MGAT5: variants seen among roughly 807,000 people sequenced by gnomAD.
MGAT5 encodes the protein alpha-1,6-mannosylglycoprotein 6-beta-N-acetylglucosaminyltransferase.
In MGAT5, 30 loss-of-function variants were observed where a neutral mutation model predicts 94.3. That is an observed-to-expected ratio of 0.32 (90% CI 0.24 to 0.43). The LOEUF (loss-of-function observed/expected upper bound fraction) is 0.43, where lower values mean the gene tolerates loss of function less well. Ranked by LOEUF, MGAT5 falls within the 20% of genes least tolerant of loss-of-function variation. The pLI is 1.00. For synonymous variants in MGAT5, 310 were observed against 322.9 expected (o/e 0.96, Z 0.43); for missense variants, 691 against 905.5 (o/e 0.76, Z 3.04).
chr2:134,382,481 T>G (rs957727298), intron 10 of MGAT5, among the ~76,000 whole-genome samples: 1 of 152,092 alleles, frequency 6.6e-6, no homozygotes, highest in Non-Finnish European at 1.5e-5. Flanking sequence ...TGGGTGGAAC[T>G]CGTCAAAAGC....
rs1411414419 is a variant in MGAT5 at position 134,291,175 on chromosome 2, C to A, written c.406+20625C>A. 3.3e-5 allele frequency among the ~76,000 whole-genome samples: 5 copies of A among 152,096 alleles called. No individual in the cohort carries two copies. The East Asian group carries it at 7.7e-4, about 23-fold the overall frequency. ...GTGGACTAAATGTTTGTGTCCTCTC[C>A]AAATACATATGTTGAGATCCTAACC... On this transcript the variant is annotated intron_variant, in intron 2 of 15. Transcript: ENST00000281923.
chr2:134,379,169 C>A (rs552858494), intron 10 of MGAT5, among the ~76,000 whole-genome samples: 3 of 152,292 alleles, frequency 2.0e-5, no homozygotes, highest in Non-Finnish European at 4.4e-5. Context: ...TATGTCTACA[C>A]TTTTGCTGTA....
At chr2:134,307,760 A>C (rs1686419400) in intron 2 of MGAT5, among the ~76,000 whole-genome samples, 1 of 152,122 alleles carries the variant, frequency 6.6e-6, no homozygotes, top group Admixed American at 6.6e-5. Context: ...AAAACACTCT[A>C]ATTGTTGAAA....
rs371430614 is a variant in MGAT5, at chr2:134,266,160, C to CAAAA, written c.242-4212_242-4209dup. Among the ~76,000 whole-genome samples the CAAAA allele has an allele frequency of 9.7e-4, 109 of 112,592 alleles. 3 individuals carry two copies. The East Asian group carries it at 0.012, about 13-fold the overall frequency. 73.9% of individuals were successfully genotyped at this position (112,592 alleles called of 152,430 possible). On this transcript the variant is annotated intron_variant, in intron 1 of 15. Coordinates refer to ENST00000281923, the MANE Select transcript of MGAT5 (RefSeq NM_002410.5). ...TTGGCCACAGAGCAAGACTCCATCT[C>CAAAA]AAAAAAAAAAAAAAAAAGATTAAAA...
At position 134,189,604 on chromosome 2, in the gene MGAT5, T is replaced by TTTTTTTTTTTTTTTG. The variant is rs1553490391; in HGVS notation, c.-142-64644_-142-64643insGTTTTTTTTTTTTTT. On this transcript the variant is annotated intron_variant, in intron 1 of 16. Coordinates refer to the MGAT5 transcript ENST00000409645. ...CCTCATGGCTCTAGTTTTTTTTTGTTTTTTTTTTTTTTTTTTAAGACAGAG... is the reference window on the plus strand; with the variant it reads ...CCTCATGGCTCTAGTTTTTTTTTGTTTTTTTTTTTTTTTTGTTTTTTTTTTTTTTTTAAGACAGAG... Among the ~76,000 whole-genome samples, 255 of 105,766 alleles carry TTTTTTTTTTTTTTTG rather than the reference T, an allele frequency of 2.4e-3. 13 individuals carry two copies. Among genetic ancestry groups the TTTTTTTTTTTTTTTG allele is most frequent in the Admixed American group, 3.2e-3 (36 of 11,414 alleles). 69.4% of individuals were successfully genotyped at this position (105,766 alleles called of 152,430 possible).
chr2:134,268,097 G>A lies in MGAT5; in HGVS notation c.242-2289G>A, dbSNP rs564958176. ...TCAGGGAGTAGAGACCAGGGATGCT[G>A]CTAAGCATCTTACAATGCAAGGACA... On this transcript the variant is annotated intron_variant, in intron 1 of 15. Coordinates refer to ENST00000281923, the MANE Select transcript of MGAT5 (RefSeq NM_002410.5). The surrounding 1 kb of genome is among the most constrained non-coding windows in gnomAD (Gnocchi z 4.1). 2.6e-5 allele frequency among the ~76,000 whole-genome samples: 4 copies of A among 152,176 alleles called. No individual in the cohort carries two copies. Among genetic ancestry groups the A allele is most frequent in the African/African-American group, 9.7e-5 (4 of 41,434 alleles).
chr2:134,338,150 C>T lies in MGAT5; in HGVS notation c.646-109C>T, dbSNP rs561791970. 13 of 913,744 alleles carry T rather than the reference C, an allele frequency of 1.4e-5. No individual in the cohort carries two copies. The African/African-American group carries it at 2.2e-4, about 16-fold the overall frequency. The allele number at this position is 913,744 out of a possible 1,614,324, so 56.6% of individuals were successfully genotyped here. A position where few individuals can be genotyped will look rare whatever the true frequency, so the allele number is the denominator to read the frequency against. On this transcript the variant is annotated intron_variant, in intron 5 of 15. Coordinates refer to ENST00000281923, the MANE Select transcript of MGAT5 (RefSeq NM_002410.5). ...GCAGACAAGACTTACTTTTGAAGCT[C>T]TCAATTTAATTGACTAACCCTTTTA...
intron 1 of MGAT5, among the ~76,000 whole-genome samples, chr2:134,262,993 A>T (rs1172390188): frequency 6.6e-6 from 1 of 152,170 alleles, no homozygotes; most frequent in Admixed American, 6.5e-5. Flanking sequence ...GTGGGCTGTA[A>T]GATAAGCTGG....
intron 1 of MGAT5, among the ~76,000 whole-genome samples, chr2:134,257,818 G>T (rs1042977031): frequency 2.9e-5 from 4 of 139,668 alleles, no homozygotes; most frequent in Non-Finnish European, 6.1e-5. Context: ...GGATGCATAG[G>T]CCATTAGTTT....
At chr2:134,130,190 A>C (rs1686066027) in intron 1 of MGAT5, among the ~76,000 whole-genome samples, 1 of 109,728 alleles carries the variant, frequency 9.1e-6, no homozygotes, top group African/African-American at 3.4e-5. Context: ...GCAGCCCGCC[A>C]TGCTGGAGCC....
At chr2:134,399,352 G>C (rs1682902622) in intron 10 of MGAT5, among the ~76,000 whole-genome samples, 2 of 152,136 alleles carry the variant, frequency 1.3e-5, no homozygotes, top group South Asian at 4.1e-4. Flanking sequence ...CTTATGACTG[G>C]TTCTGAACAT....
At chr2:134,199,264 C>T (rs2680725) in intron 1 of MGAT5, among the ~76,000 whole-genome samples, 31,391 of 152,010 alleles carry the variant, frequency 0.21, 3,440 homozygotes, top group South Asian at 0.34. Flanking sequence ...GATAAGAGGG[C>T]AGTGTGTTTT....
At position 134,257,836 on chromosome 2, in the gene MGAT5, C is replaced by CCTTTTTTTTTTTTTTTTTTTT. The variant is rs781189819; in HGVS notation, c.241+3192_241+3193insCTTTTTTTTTTTTTTTTTTTT. Among the ~76,000 whole-genome samples the CCTTTTTTTTTTTTTTTTTTTT allele has an allele frequency of 2.8e-5, 3 of 106,414 alleles. 1 individual carries two copies. Among genetic ancestry groups the CCTTTTTTTTTTTTTTTTTTTT allele is most frequent in the African/African-American group, 1.1e-4 (3 of 27,344 alleles). 69.8% of individuals were successfully genotyped at this position (106,414 alleles called of 152,430 possible). The stretch of plus-strand genomic sequence containing the variant: ...TGCATAGGCCATTAGTTTGCAGTCT[C>CCTTTTTTTTTTTTTTTTTTTT]TTTTTTTTTTTTTTTTTTTGCCATA... On this transcript the variant is annotated intron_variant, in intron 1 of 15. Transcript: ENST00000281923.
At chr2:134,136,822 C>T (rs1686432141) in intron 1 of MGAT5, among the ~76,000 whole-genome samples, 1 of 152,126 alleles carries the variant, frequency 6.6e-6, no homozygotes, top group South Asian at 2.1e-4. Context: ...CTGACTTGGG[C>T]TTTCTCCAAG....
At chr2:134,395,875 A>G (rs897820536) in intron 10 of MGAT5, among the ~76,000 whole-genome samples, 1 of 152,220 alleles carries the variant, frequency 6.6e-6, no homozygotes, top group African/African-American at 2.4e-5. Flanking sequence ...GCCACTCAGT[A>G]TCATACTTGA....
chr2:134,135,080 A>G (rs1482921670), intron 1 of MGAT5, among the ~76,000 whole-genome samples: 2 of 152,228 alleles, frequency 1.3e-5, no homozygotes, highest in Admixed American at 1.3e-4. Flanking sequence ...TAATGGCTCC[A>G]TTATGTCTTT....
At chr2:134,245,039 G>A (rs1310541732) in intron 1 of MGAT5, among the ~76,000 whole-genome samples, 2 of 152,294 alleles carry the variant, frequency 1.3e-5, no homozygotes, top group South Asian at 2.1e-4. Context: ...TTGAGGCAGC[G>A]TCTTGCTCTG....
intron 10 of MGAT5, among the ~76,000 whole-genome samples, chr2:134,391,937 C>T (rs1273769635): frequency 1.3e-5 from 2 of 152,190 alleles, no homozygotes; most frequent in African/African-American, 4.8e-5. Flanking sequence ...ACATAGCCAG[C>T]AAAGGGCAAT....
intron 9 of MGAT5, among the ~76,000 whole-genome samples, chr2:134,361,675 G>C (rs987783723): frequency 2.6e-5 from 4 of 152,168 alleles, no homozygotes; most frequent in Non-Finnish European, 5.9e-5. Context: ...TGCCCCAGCA[G>C]GCTTTACCTT....
Sources: allele counts gnomAD v4.1 joint callset (sites outside exome capture counted in the v4.1 genomes callset), GRCh38; gene constraint gnomAD v4.1.1; non-coding constraint Gnocchi (gnomAD v3.1); transcripts MANE v1.5; gene names NCBI Gene and HGNC (gene_info 2026-07-23, HGNC 2026-07-21).